The following USP34 variants were observed in gnomAD, a reference collection of about 807,000 sequenced individuals.
USP34 encodes the protein ubiquitin specific peptidase 34, also known as ubiquitin carboxyl-terminal hydrolase 34.
USP34 carries 70 observed loss-of-function variants against 460.3 expected under a neutral mutation model. The observed-to-expected ratio is 0.15, with a 90% confidence interval of 0.13 to 0.19. The LOEUF is 0.19. Ranked by LOEUF, USP34 falls within the 10% of genes least tolerant of loss-of-function variation. The probability of loss-of-function intolerance (pLI) is 1.00; values close to 1 mark genes in which losing one functional copy is unlikely to be tolerated. For missense variants in USP34, 3,985 were observed against 4,236.2 expected, an observed-to-expected ratio of 0.94 and a Z score of 1.65; for synonymous variants, 1,647 against 1,405.3, an observed-to-expected ratio of 1.17 and a Z score of -3.85.
At chr2:61,428,271 T>G (rs1423443110) in intron 1 of USP34, among the ~76,000 whole-genome samples, 5 of 150,446 alleles carry the variant, frequency 3.3e-5, no homozygotes, top group African/African-American at 1.2e-4. Flanking sequence ...TGATCACCTT[T>G]GCAAATGTTA....
intron 1 of USP34, among the ~76,000 whole-genome samples, chr2:61,452,555 G>A (rs1439713162): frequency 6.6e-6 from 1 of 151,706 alleles, no homozygotes; most frequent in African/African-American, 2.4e-5. Flanking sequence ...CTGACCTCAG[G>A]TGGTGATCCA....
At chr2:61,447,928 C>G (rs1196946046) in intron 1 of USP34, among the ~76,000 whole-genome samples, 2 of 152,148 alleles carry the variant, frequency 1.3e-5, no homozygotes, top group African/African-American at 4.8e-5. Context: ...GTTGGCCAGG[C>G]TGTTCTTGAA....
At chr2:61,305,784 T>C (rs990741508) in intron 27 of USP34, among the ~76,000 whole-genome samples, 1 of 152,160 alleles carries the variant, frequency 6.6e-6, no homozygotes, top group South Asian at 2.1e-4. Context: ...TCCTTTTTTT[T>C]TTCCCCGTCG....
chr2:61,448,876 C>T (rs144415214), intron 1 of USP34, among the ~76,000 whole-genome samples: 1 of 152,126 alleles, frequency 6.6e-6, no homozygotes, highest in Non-Finnish European at 1.5e-5. Context: ...GGCCAGAGGC[C>T]GGATACAGTG....
chr2:61,345,164 C>T (rs889244984), intron 15 of USP34, among the ~76,000 whole-genome samples: 2 of 151,924 alleles, frequency 1.3e-5, no homozygotes, highest in African/African-American at 4.8e-5. Context: ...ATCACAGCTA[C>T]TCGGGAGGCT....
chr2:61,297,278 A>G lies in USP34; in HGVS notation c.4129-353T>C, dbSNP rs115204769. ...TTTCCATTTTGCAGGTCACTATTCT[A>G]AGCACAATAAAGACTGGGTGAATTA... On this transcript the variant is annotated intron_variant, in intron 29 of 79. Coordinates refer to ENST00000398571, the MANE Select transcript of USP34 (RefSeq NM_014709.4). Among the ~76,000 whole-genome samples the G allele has an allele frequency of 1.5e-3, 230 of 152,374 alleles. 1 individual carries two copies. Among genetic ancestry groups the G allele is most frequent in the Non-Finnish European group, 2.9e-3 (196 of 68,034 alleles).
intron 58 of USP34, 56 bp from the exon 59 acceptor site, chr2:61,229,689 G>T: frequency 6.9e-7 from 1 of 1,458,600 alleles, no homozygotes; most frequent in South Asian, 1.2e-5. Flanking sequence ...ACAAAGATTT[G>T]AAAAATTAAC....
chr2:61,328,571 T>TA (rs1691168655), intron 20 of USP34, among the ~76,000 whole-genome samples: 1 of 152,172 alleles, frequency 6.6e-6, no homozygotes, highest in Non-Finnish European at 1.5e-5. Context: ...CTCTCTGTTC[T>TA]AAGAGTTTTA....
intron 3 of USP34, among the ~76,000 whole-genome samples, chr2:61,403,793 C>T (rs1693788455): frequency 6.6e-6 from 1 of 151,918 alleles, no homozygotes; most frequent in Non-Finnish European, 1.5e-5. Context: ...CGAGACCATC[C>T]TGGCTAACAG....
chr2:61,435,539 A>C (rs1057102917), intron 1 of USP34, among the ~76,000 whole-genome samples: 7 of 152,098 alleles, frequency 4.6e-5, no homozygotes, highest in Admixed American at 1.3e-4. Flanking sequence ...ACCTTCACAA[A>C]CAAAGAAAAA....
At chr2:61,457,810 T>C (rs1012084498) in intron 1 of USP34, among the ~76,000 whole-genome samples, 3 of 152,174 alleles carry the variant, frequency 2.0e-5, no homozygotes, top group Non-Finnish European at 2.9e-5. Context: ...ATCATATCAC[T>C]GTACTCCAGC....
rs185943941 is a variant in USP34 at position 61,278,353 on chromosome 2, G to A, written c.5312+35C>T. On this transcript the variant is annotated intron_variant, in intron 40 of 79. Transcript: ENST00000398571. ...ATAATTATGTCTTTTATCTTTCCTC[G>A]ACAATATAAATGTCAATTTCACATC... 1,884 of 1,606,846 alleles carry A rather than the reference G, an allele frequency of 1.2e-3. 32 individuals are homozygous for A. In the South Asian group the frequency reaches 0.02, roughly 17 times the overall value.
chr2:61,409,767 T>G (rs1446904666), intron 2 of USP34, among the ~76,000 whole-genome samples: 1 of 152,058 alleles, frequency 6.6e-6, no homozygotes, highest in Non-Finnish European at 1.5e-5. Context: ...TTAAACTGCT[T>G]GATAATGGAC....
At chr2:61,386,727 T>C (rs1235872068) in intron 5 of USP34, among the ~76,000 whole-genome samples, 1 of 151,978 alleles carries the variant, frequency 6.6e-6, no homozygotes, top group Non-Finnish European at 1.5e-5. Flanking sequence ...GAGGTGGATG[T>C]TGCAGTGAGC....
At chr2:61,311,044 G>A (rs1558523489) in intron 27 of USP34, among the ~76,000 whole-genome samples, 1 of 152,120 alleles carries the variant, frequency 6.6e-6, no homozygotes, top group African/African-American at 2.4e-5. Flanking sequence ...AGGGTGAAGG[G>A]AGCCATGAAC....
Position 61,394,931 on chromosome 2 carries a change from C to A in USP34, c.675G>T (p.Met225Ile), listed in dbSNP as rs1558568840. ...GAGTTCCATATTCAAAGCAATCCTT[C>A]ATGAGAGAAAGGCCATTTTTCCCAC... ...LFCGKNGLSLMKDCFEYGTPE... is the reference protein window; with the variant it reads ...LFCGKNGLSLIKDCFEYGTPE... Residue 225 changes from methionine (M) to isoleucine (I), a missense_variant, in exon 5 of 80, where the codon ATG becomes ATT. Around this residue, in one of 14 missense-constraint regions of USP34, gnomAD observed 331 missense variants for 293.7 expected, o/e 1.13. Coordinates refer to ENST00000398571, the MANE Select transcript of USP34 (RefSeq NM_014709.4). The A allele has an allele frequency of 1.2e-6, 2 of 1,608,400 alleles. No homozygotes were observed. Among genetic ancestry groups the A allele is most frequent in the African/African-American group, 1.3e-5 (1 of 74,836 alleles).
chr2:61,331,412 G>A (rs773769008), intron 19 of USP34, 41 bp from the exon 20 acceptor site: 5 of 1,533,550 alleles, frequency 3.3e-6, no homozygotes, highest in Admixed American at 1.9e-5. Context: ...AAGTGGGCAG[G>A]GTAAGAGAAT....
At chr2:61,465,166 GAT>G (rs1247556125) in intron 1 of USP34, among the ~76,000 whole-genome samples, 1 of 145,380 alleles carries the variant, frequency 6.9e-6, no homozygotes, top group Non-Finnish European at 1.5e-5. Context: ...CAACTTTTAT[GAT>G]ATGTGTCAAG....
chr2:61,350,210 T>G (rs771207147), intron 12 of USP34, 50 bp downstream of exon 12: 3 of 1,536,316 alleles, frequency 2.0e-6, no homozygotes, highest in East Asian at 2.3e-5. Context: ...ATTTCAAATC[T>G]GAGTGAGAAG....
Sources: allele counts gnomAD v4.1 joint callset (sites outside exome capture counted in the v4.1 genomes callset), GRCh38; gene constraint gnomAD v4.1.1; regional missense constraint gnomAD v4.1.1; transcripts MANE v1.5; gene names NCBI Gene and HGNC (gene_info 2026-07-23, HGNC 2026-07-21).